Variants in DPP6 observed in about 807,000 individuals in gnomAD.
The protein encoded by DPP6 is dipeptidyl peptidase like 6.
In DPP6, 69 loss-of-function variants were observed where a neutral mutation model predicts 122.6. The observed-to-expected ratio is 0.56, with a 90% CI of 0.46 to 0.69. DPP6 has a LOEUF of 0.69. Ranked by LOEUF, DPP6 falls within the 30% of genes least tolerant of loss-of-function variation. The probability of loss-of-function intolerance (pLI) is 0.00; values close to 1 mark genes in which losing one functional copy is unlikely to be tolerated. For missense variants in DPP6, 928 were observed against 1,116.9 expected (o/e 0.83, Z 2.41); for synonymous variants, 418 against 433.1 (o/e 0.97, Z 0.43).
At chr7:154,535,849 A>G (rs1828210917) in intron 3 of DPP6, among the ~76,000 whole-genome samples, 1 of 152,182 alleles carries the variant, frequency 6.6e-6, no homozygotes, top group South Asian at 2.1e-4. Context: ...AGAGTGGCTA[A>G]TGTTTAATAG....
intron 1 of DPP6, among the ~76,000 whole-genome samples, chr7:153,932,317 C>T (rs1167166066): frequency 6.6e-6 from 1 of 152,002 alleles, no homozygotes; most frequent in Non-Finnish European, 1.5e-5. Context: ...CACGGGGTTT[C>T]ACCATGTTGA....
At chr7:154,810,885 TCAAA>T (rs1387128682) in intron 16 of DPP6, among the ~76,000 whole-genome samples, 3 of 152,154 alleles carry the variant, frequency 2.0e-5, no homozygotes, top group African/African-American at 7.2e-5. Flanking sequence ...CCTATAATAA[TCAAA>T]CAGATTCCTA....
At chr7:154,749,195 T>A (rs1428987897) in intron 8 of DPP6, among the ~76,000 whole-genome samples, 3 of 139,324 alleles carry the variant, frequency 2.2e-5, no homozygotes, top group African/African-American at 8.1e-5. Flanking sequence ...GGATGGCGGC[T>A]TTACTGAGAG....
the DPP6 span, among the ~76,000 whole-genome samples, chr7:153,787,520 T>C: frequency 4.7e-5 from 6 of 126,536 alleles, 1 homozygote; most frequent in Non-Finnish European, 8.8e-5. Flanking sequence ...ATCCCAGCAC[T>C]TTGGTAGGCC....
chr7:154,516,048 C>CT (rs543084277), intron 3 of DPP6, among the ~76,000 whole-genome samples: 1 of 152,192 alleles, frequency 6.6e-6, no homozygotes, highest in Non-Finnish European at 1.5e-5. Flanking sequence ...TCTTTTCTCT[C>CT]TTTTTCCTAC....
At chr7:154,485,541 G>A (rs1388805006) in intron 3 of DPP6, among the ~76,000 whole-genome samples, 1 of 152,072 alleles carries the variant, frequency 6.6e-6, no homozygotes, top group Non-Finnish European at 1.5e-5. Flanking sequence ...CTGTCTGCAC[G>A]GCCAGGCTTA....
chr7:154,878,612 T>C (rs929400760), intron 20 of DPP6, among the ~76,000 whole-genome samples: 1 of 152,104 alleles, frequency 6.6e-6, no homozygotes, highest in Admixed American at 6.5e-5. Context: ...ACTCCCACAG[T>C]TCCCCCGTCC....
chr7:153,964,249 G>A (rs1367014189), intron 1 of DPP6, among the ~76,000 whole-genome samples: 1 of 152,074 alleles, frequency 6.6e-6, no homozygotes, highest in Non-Finnish European at 1.5e-5. Context: ...ACCTGCCTCG[G>A]CCTCCCAAAG....
the DPP6 span, among the ~76,000 whole-genome samples, chr7:153,845,150 A>G: frequency 6.6e-6 from 1 of 152,196 alleles, no homozygotes; most frequent in Non-Finnish European, 1.5e-5. Context: ...ACAACTTTTT[A>G]TTAAAATGTA....
At chr7:153,798,044 A>G in the DPP6 span, among the ~76,000 whole-genome samples, 704 of 152,130 alleles carry the variant, frequency 4.6e-3, 2 homozygotes, top group Non-Finnish European at 7.5e-3. Context: ...GGGTTTCACC[A>G]TGTTAGCCAG....
intron 4 of DPP6, among the ~76,000 whole-genome samples, chr7:154,542,515 T>C (rs190059922): frequency 2.0e-4 from 31 of 152,310 alleles, no homozygotes; most frequent in African/African-American, 6.3e-4. Flanking sequence ...CTTTCTAAAA[T>C]CAATAGCTTG....
intron 1 of DPP6, among the ~76,000 whole-genome samples, chr7:153,955,427 ATTG>A (rs1339316009): frequency 1.3e-5 from 2 of 151,946 alleles, no homozygotes; most frequent in African/African-American, 2.4e-5. Flanking sequence ...AATAGGCATT[ATTG>A]TTGTTATTTA....
chr7:154,724,882 A>G (rs1406294749), intron 7 of DPP6, among the ~76,000 whole-genome samples: 1 of 152,188 alleles, frequency 6.6e-6, no homozygotes. Flanking sequence ...AGCATACTTA[A>G]TGCACTGAAC....
At chr7:154,567,388 G>GTA (rs1280430670) in intron 5 of DPP6, among the ~76,000 whole-genome samples, 1 of 152,114 alleles carries the variant, frequency 6.6e-6, no homozygotes, top group Non-Finnish European at 1.5e-5. Flanking sequence ...AGCACTTCCT[G>GTA]TATATATGAG....
intron 5 of DPP6, among the ~76,000 whole-genome samples, chr7:154,567,441 G>C (rs1830830269): frequency 6.6e-6 from 1 of 152,158 alleles, no homozygotes; most frequent in African/African-American, 2.4e-5. Context: ...AAATCTCACT[G>C]TGTATTAGTA....
intron 8 of DPP6, among the ~76,000 whole-genome samples, chr7:154,734,077 G>A (rs561541208): frequency 6.6e-6 from 1 of 152,342 alleles, no homozygotes; most frequent in East Asian, 1.9e-4. Context: ...GTTCGACGCA[G>A]ATGAAGAAAA....
intron 6 of DPP6, among the ~76,000 whole-genome samples, chr7:154,645,201 G>A (rs188248580): frequency 2.0e-5 from 3 of 151,852 alleles, no homozygotes; most frequent in East Asian, 3.9e-4. Flanking sequence ...TAGTAGCTGG[G>A]ACTACAGGCG....
chr7:154,080,869 T>C lies in DPP6; in HGVS notation c.243+27806T>C, dbSNP rs566503187. 4.6e-5 allele frequency among the ~76,000 whole-genome samples: 7 copies of C among 152,154 alleles called. No individual in the cohort carries two copies. The East Asian group carries it at 1.4e-3, about 29-fold the overall frequency. ...TCTGCATGGAACCTGGGATTGGCCA[T>C]CCCCTCATGAGGGCTCTAATGGGAA... is the stretch of plus-strand genomic sequence containing the variant. On this transcript the variant is annotated intron_variant, in intron 1 of 25. Transcript: ENST00000377770.
chr7:154,126,228 C>T (rs1159647961), intron 1 of DPP6, among the ~76,000 whole-genome samples: 2 of 152,056 alleles, frequency 1.3e-5, no homozygotes, highest in African/African-American at 2.4e-5. Context: ...GTGAATAGAA[C>T]TTAGCATTTT....
Sources: allele counts gnomAD v4.1 joint callset (sites outside exome capture counted in the v4.1 genomes callset), GRCh38; gene constraint gnomAD v4.1.1; transcripts MANE v1.5; gene names NCBI Gene and HGNC (gene_info 2026-07-23, HGNC 2026-07-21).